LY96: variants seen among roughly 807,000 people sequenced by gnomAD.
The protein encoded by LY96 is myeloid differentiation protein-2.
In LY96, 18 loss-of-function variants were observed where a neutral mutation model predicts 18.9. That is an observed-to-expected ratio of 0.95 (90% confidence interval 0.66 to 1.41). The LOEUF (loss-of-function observed/expected upper bound fraction) is 1.41, where lower values mean the gene tolerates loss of function less well. LY96 is among the 40% of genes most tolerant of loss of function. The pLI is 0.00. For missense variants in LY96, 175 were observed against 182.4 expected, an observed-to-expected ratio of 0.96 and a Z score of 0.23; for synonymous variants, 66 against 62.6, an observed-to-expected ratio of 1.06 and a Z score of -0.26.
the LY96 span, among the ~76,000 whole-genome samples, chr8:74,088,083 A>AAGAATAAAAT: frequency 8.7e-3 from 1,045 of 120,428 alleles, 9 homozygotes; most frequent in Non-Finnish European, 0.012. Flanking sequence ...TCACTGAGAG[A>AAGAATAAAAT]AGAATAGAAT....
At chr8:74,048,234 C>G in the LY96 span, among the ~76,000 whole-genome samples, 6 of 151,946 alleles carry the variant, frequency 3.9e-5, no homozygotes, top group African/African-American at 1.5e-4. Flanking sequence ...ACTCTAGGCT[C>G]TAAGCCACAG....
the LY96 span, chr8:74,099,539 G>A: frequency 2.0e-5 from 3 of 152,298 alleles, no homozygotes; most frequent in African/African-American, 7.2e-5. Flanking sequence ...TTCATCTTTT[G>A]ATGTCAGAGG....
chr8:74,037,507 CTGT>C, the LY96 span, among the ~76,000 whole-genome samples: 1 of 152,066 alleles, frequency 6.6e-6, no homozygotes, highest in African/African-American at 2.4e-5. Flanking sequence ...CAGCACCTGC[CTGT>C]AGTCCCAGCT....
the LY96 span, among the ~76,000 whole-genome samples, chr8:74,050,074 G>T: frequency 6.4e-3 from 977 of 152,202 alleles, 8 homozygotes; most frequent in African/African-American, 0.023. Context: ...CGGGCATGGT[G>T]GTTCACACCT....
chr8:74,067,221 A>G, the LY96 span, among the ~76,000 whole-genome samples: 12 of 152,058 alleles, frequency 7.9e-5, no homozygotes, highest in Non-Finnish European at 1.8e-4. Flanking sequence ...CTGTATGTGT[A>G]TATGTATGTA....
At chr8:74,075,096 G>T in the LY96 span, among the ~76,000 whole-genome samples, 1 of 152,290 alleles carries the variant, frequency 6.6e-6, no homozygotes, top group South Asian at 2.1e-4. Flanking sequence ...GAAGTCTACA[G>T]CTATTATTAT....
intron 3 of LY96, among the ~76,000 whole-genome samples, chr8:74,014,540 A>G (rs1274021208): frequency 6.8e-6 from 1 of 148,004 alleles, no homozygotes; most frequent in Non-Finnish European, 1.5e-5. Context: ...TGGGCATGTT[A>G]AGCTCAAGGT....
chr8:74,033,205 G>A (rs558776594), downstream of LY96, among the ~76,000 whole-genome samples: 148 of 152,164 alleles, frequency 9.7e-4, 1 homozygote, highest in African/African-American at 3.4e-3. Context: ...AGATGGGTAA[G>A]GAGAAAGGGA....
At chr8:74,044,397 C>T in the LY96 span, among the ~76,000 whole-genome samples, 3 of 152,034 alleles carry the variant, frequency 2.0e-5, no homozygotes, top group South Asian at 6.2e-4. Flanking sequence ...TAATAAGTTT[C>T]CCAGGCTGGT....
At chr8:74,057,965 T>C in the LY96 span, among the ~76,000 whole-genome samples, 2 of 152,202 alleles carry the variant, frequency 1.3e-5, no homozygotes, top group Non-Finnish European at 2.9e-5. Context: ...AAAGCATGCA[T>C]TCACTTTCTG....
At chr8:74,082,769 C>T in the LY96 span, among the ~76,000 whole-genome samples, 4 of 152,024 alleles carry the variant, frequency 2.6e-5, no homozygotes, top group East Asian at 1.9e-4. Flanking sequence ...ACCGTCATGG[C>T]GAAATATGAC....
chr8:74,078,819 T>C, the LY96 span, among the ~76,000 whole-genome samples: 3 of 152,202 alleles, frequency 2.0e-5, no homozygotes, highest in Non-Finnish European at 4.4e-5. Flanking sequence ...ATTAAAAAAA[T>C]TAGAGAACAA....
intron 3 of LY96, among the ~76,000 whole-genome samples, chr8:74,019,681 G>T (rs1231820091): frequency 6.6e-6 from 1 of 152,074 alleles, no homozygotes. Context: ...ATAAAATACT[G>T]GCAAACCAAA....
intron 3 of LY96, among the ~76,000 whole-genome samples, chr8:74,011,646 G>A (rs12542066): frequency 0.23 from 34,631 of 152,024 alleles, 4,418 homozygotes; most frequent in African/African-American, 0.34. Flanking sequence ...GGATCATGAG[G>A]TCAGGAGTTC....
the LY96 span, among the ~76,000 whole-genome samples, chr8:74,084,860 C>T: frequency 1.3e-5 from 2 of 152,222 alleles, no homozygotes; most frequent in African/African-American, 4.8e-5. Context: ...AGTGATCCGC[C>T]TGCCTTGACC....
chr8:74,043,121 C>G, the LY96 span, among the ~76,000 whole-genome samples: 1 of 152,212 alleles, frequency 6.6e-6, no homozygotes, highest in Non-Finnish European at 1.5e-5. Context: ...AGGGTTGATA[C>G]AGCAACCACA....
At chr8:74,083,858 A>AT in the LY96 span, among the ~76,000 whole-genome samples, 297 of 146,290 alleles carry the variant, frequency 2.0e-3, 2 homozygotes, top group Admixed American at 5.1e-3. Flanking sequence ...TGCCTGGCTA[A>AT]TTTTTTTTTT....
the LY96 span, among the ~76,000 whole-genome samples, chr8:74,093,466 A>C: frequency 6.6e-6 from 1 of 152,220 alleles, no homozygotes; most frequent in African/African-American, 2.4e-5. Flanking sequence ...AATGTTGTGC[A>C]TTTGGTACAT....
intron 3 of LY96, among the ~76,000 whole-genome samples, chr8:74,023,997 A>G (rs1274895787): frequency 6.6e-6 from 1 of 152,212 alleles, no homozygotes; most frequent in Non-Finnish European, 1.5e-5. Flanking sequence ...CATCTTTTGA[A>G]TAAGCAGCCT....
Sources: allele counts gnomAD v4.1 joint callset (sites outside exome capture counted in the v4.1 genomes callset), GRCh38; gene constraint gnomAD v4.1.1; transcripts MANE v1.5; gene names NCBI Gene and HGNC (gene_info 2026-07-23, HGNC 2026-07-21).